Variants in MINK1 observed in about 807,000 individuals in gnomAD.
The protein encoded by MINK1 is misshapen-like kinase 1.
MINK1 carries 46 observed loss-of-function variants against 178.4 expected under a neutral mutation model. That is an observed-to-expected ratio of 0.26 (90% CI 0.20 to 0.33). The LOEUF is 0.33. MINK1 is among the 10% of genes least tolerant of loss of function. MINK1 has a pLI of 1.00. For synonymous variants in MINK1, 797 were observed against 709.7 expected, an observed-to-expected ratio of 1.12 and a Z score of -1.96; for missense variants, 1,366 against 1,814.9, an observed-to-expected ratio of 0.75 and a Z score of 4.49.
intron 1 of MINK1, among the ~76,000 whole-genome samples, chr17:4,863,373 G>A (rs1032012290): frequency 6.6e-6 from 1 of 152,160 alleles, no homozygotes; most frequent in Non-Finnish European, 1.5e-5. Context: ...GACTCTCCAT[G>A]CACTCTTTGG....
At position 4,887,707 on chromosome 17, in the gene MINK1, C is replaced by A; in HGVS notation, c.1147C>A (p.Pro383Thr). The A allele has an allele frequency of 6.4e-7, 1 of 1,558,244 alleles. No homozygotes were observed. The change falls in exon 12 of 32, where the codon CCC (proline) becomes ACC (threonine). Residue 383 changes from proline (P) to threonine (T), a missense_variant. Around this residue, in one of 14 missense-constraint regions of MINK1, gnomAD observed 56 missense variants for 64.0 expected, o/e 0.87. Coordinates refer to ENST00000355280, the MANE Select transcript of MINK1 (RefSeq NM_153827.5). This position sits in a 1 kb window ranked among gnomAD's most constrained non-coding sequence, Gnocchi z 7.6. ...QQLQQQQQRDPEAHIKHLLHQ... is the reference protein window; with the variant it reads ...QQLQQQQQRDTEAHIKHLLHQ... ...GCTGCAGCAGCAGCAGCAGCGAGAC[C>A]CCGAGGCACACATCAAACACCTGCT...
At chr17:4,864,772 G>A (rs1238527353) in intron 1 of MINK1, among the ~76,000 whole-genome samples, 1 of 152,178 alleles carries the variant, frequency 6.6e-6, no homozygotes, top group Non-Finnish European at 1.5e-5. Context: ...TGATCTCTGA[G>A]ATGGCCGATA....
At position 4,836,403 on chromosome 17, in the gene MINK1, T is replaced by G. The variant is rs1163307792; in HGVS notation, c.57+2763T>G. On this transcript the variant is annotated intron_variant, in intron 1 of 31. Transcript: ENST00000355280. This position sits in a 1 kb window ranked among gnomAD's most constrained non-coding sequence, Gnocchi z 4.3. ...TGCTACTTTGTAGCCACAGCCACAC[T>G]TGACCTCTTTGAGGTTCCTTTTCTC... Among the ~76,000 whole-genome samples the G allele has an allele frequency of 6.6e-6, 1 of 152,194 alleles. No homozygotes were observed. Among genetic ancestry groups the G allele is most frequent in the Non-Finnish European group, 1.5e-5 (1 of 68,020 alleles).
At chr17:4,875,192 G>A (rs8078776) in intron 1 of MINK1, 334,080 of 519,446 alleles carry the variant, frequency 0.64, 113,365 homozygotes, top group Non-Finnish European at 0.75. Context: ...AACTGAAGAC[G>A]GATGAGATGA....
At chr17:4,847,063 C>G in intron 1 of MINK1, 1 of 429,074 alleles carries the variant, frequency 2.3e-6, no homozygotes, top group Admixed American at 2.6e-5. Context: ...ATCTCCTGTC[C>G]TGGCCTCATA....
Position 4,891,489 on chromosome 17 carries a change from T to C in MINK1, c.1774T>C (p.Tyr592His). 4.4e-6 allele frequency: 7 copies of C among 1,601,520 alleles called. No homozygotes were observed. The highest frequency in any genetic ancestry group is 6.0e-6 in the Non-Finnish European group (7 of 1,171,380). The part of the protein sequence containing the change: ...LVAHRVPLKP[Y>H]AAPVPRSQSL... ...GGCACACCGGGTCCCACTGAAGCCATATGCAGCACCTGTACCCCGATCCCA... is the reference window on the plus strand; with the variant it reads ...GGCACACCGGGTCCCACTGAAGCCACATGCAGCACCTGTACCCCGATCCCA... Residue 592 changes from tyrosine (Y) to histidine (H), a missense_variant, in exon 16 of 32, where the codon TAT becomes CAT. Physicochemically the swap from Tyr to His is moderately conservative, Grantham distance 83 (BLOSUM62 2). Transcript: ENST00000355280.
chr17:4,893,195 G>C (rs1187200497), intron 20 of MINK1, 128 bp downstream of exon 20: 22 of 1,553,040 alleles, frequency 1.4e-5, no homozygotes, highest in Non-Finnish European at 1.9e-5. Context: ...AGGGACTGGT[G>C]CTTCTCATGG....
intron 31 of MINK1, 130 bp from the exon 32 acceptor site, chr17:4,897,074 T>C (rs1417830128): frequency 7.8e-6 from 7 of 894,880 alleles, no homozygotes; most frequent in Non-Finnish European, 1.2e-5. Flanking sequence ...AGGGGCACTG[T>C]GAGTCTCCTC....
chr17:4,867,750 G>A (rs1915258904), intron 1 of MINK1, among the ~76,000 whole-genome samples: 1 of 151,946 alleles, frequency 6.6e-6, no homozygotes, highest in East Asian at 2.0e-4. Context: ...AGGCGGAGGT[G>A]GCAGTGAGCC....
At chr17:4,861,941 T>A (rs982512048) in intron 1 of MINK1, among the ~76,000 whole-genome samples, 2 of 152,214 alleles carry the variant, frequency 1.3e-5, no homozygotes, top group African/African-American at 2.4e-5. Context: ...AGTCGTTTTG[T>A]GTATGTTATA....
chr17:4,849,964 T>G (rs1597395814), intron 1 of MINK1, among the ~76,000 whole-genome samples: 1 of 152,232 alleles, frequency 6.6e-6, no homozygotes, highest in Non-Finnish European at 1.5e-5. Context: ...TTCTTTTTTT[T>G]GAGACACTGT....
chr17:4,863,366 T>C (rs1000571487), intron 1 of MINK1, among the ~76,000 whole-genome samples: 1 of 152,186 alleles, frequency 6.6e-6, no homozygotes, highest in Non-Finnish European at 1.5e-5. Flanking sequence ...CAGCCTTGAC[T>C]CTCCATGCAC....
chr17:4,891,190 A>G, intron 15 of MINK1, 66 bp downstream of exon 15: 1 of 1,074,420 alleles, frequency 9.3e-7, no homozygotes, highest in East Asian at 3.1e-5. Flanking sequence ...ACAGGTACAC[A>G]CACACGCGCG....
chr17:4,891,558 G>A lies in MINK1; in HGVS notation c.1843G>A (p.Ala615Thr), dbSNP rs990558398. The stretch of plus-strand genomic sequence containing the variant: ...CACCCGAAACCTGGCTGCCTTCCCA[G>A]CCTCCCATGACCCCGACCCTGCCAT... ...QPTRNLAAFP[A>T]SHDPDPAIPA... is the part of the protein sequence containing the mutation. The change falls in exon 16 of 32, where the codon GCC (alanine) becomes ACC (threonine). Residue 615 changes from alanine (A) to threonine (T), a missense_variant. Around this residue, in one of 14 missense-constraint regions of MINK1, gnomAD observed 709 missense variants for 692.3 expected, o/e 1.02. Transcript: ENST00000355280. The A allele has an allele frequency of 1.2e-6, 2 of 1,608,220 alleles. No individual in the cohort carries two copies. The highest frequency in any genetic ancestry group is 2.7e-5 in the African/African-American group (2 of 74,764).
intron 1 of MINK1, among the ~76,000 whole-genome samples, chr17:4,875,851 A>G (rs1409323035): frequency 6.8e-6 from 1 of 146,282 alleles, no homozygotes; most frequent in African/African-American, 2.5e-5. Context: ...GTTGGAGTGC[A>G]GTGGTGTGAT....
chr17:4,897,578 A>C lies in MINK1; in HGVS notation c.*291A>C. The stretch of plus-strand genomic sequence containing the variant: ...GCCTAGCCCCTCCCCCCTTTTCTCC[A>C]TTTGAGAGGAGAGTGCTTGGGGCTT... On this transcript the variant is annotated 3_prime_UTR_variant, in exon 32 of 32. Transcript: ENST00000355280. The C allele has an allele frequency of 5.7e-6, 2 of 350,754 alleles. No homozygotes were observed. Among genetic ancestry groups the C allele is most frequent in the East Asian group, 6.0e-5 (1 of 16,662 alleles). 21.7% of individuals were successfully genotyped at this position (350,754 alleles called of 1,614,324 possible). A position where few individuals can be genotyped will look rare whatever the true frequency, so the allele number is the denominator to read the frequency against.
In MINK1 at chr17:4,886,074, C is replaced by T. The variant is rs372525556; in HGVS notation, c.695-46C>T. 17 of 1,610,814 alleles carry T rather than the reference C, an allele frequency of 1.1e-5. No homozygotes were observed. The African/African-American group carries it at 2.3e-4, about 21-fold the overall frequency. On this transcript the variant is annotated intron_variant, in intron 8 of 31. Transcript: ENST00000355280. The surrounding 1 kb of genome is among the most constrained non-coding windows in gnomAD (Gnocchi z 6.1). Reference sequence around the variant, plus strand: ...ACCCTGCCGAGGAAGGGTCCTGTAGCTCCCAGTGCAGTGAAAGGGACTGAG... The same window carrying T: ...ACCCTGCCGAGGAAGGGTCCTGTAGTTCCCAGTGCAGTGAAAGGGACTGAG...
intron 1 of MINK1, chr17:4,871,108 A>T: frequency 2.9e-6 from 1 of 340,540 alleles, no homozygotes; most frequent in East Asian, 1.0e-4. Context: ...TCATAAGCAT[A>T]ATGTCTTCAA....
Position 4,887,252 on chromosome 17 carries a change from T to C in MINK1, c.1019+73T>C, listed in dbSNP as rs1968300780. The C allele has an allele frequency of 6.9e-7, 1 of 1,445,526 alleles. No homozygotes were observed. Among genetic ancestry groups the C allele is most frequent in the Non-Finnish European group, 9.5e-7 (1 of 1,052,540 alleles). 89.5% of individuals were successfully genotyped at this position (1,445,526 alleles called of 1,614,324 possible). ...GGGGGACTACAGTGGTGCTTGGCTT[T>C]GGGGACTCTCAGCCTGGGGGTGGTG... On this transcript the variant is annotated intron_variant, in intron 11 of 31. Coordinates refer to ENST00000355280, the MANE Select transcript of MINK1 (RefSeq NM_153827.5). This position sits in a 1 kb window ranked among gnomAD's most constrained non-coding sequence, Gnocchi z 7.6.
Sources: gnomAD v4.1 joint callset for allele counts (sites outside exome capture counted in the v4.1 genomes callset) on GRCh38, gnomAD v4.1.1 for gene constraint, gnomAD v4.1.1 regional missense constraint, Gnocchi (gnomAD v3.1) non-coding constraint, MANE v1.5 for transcripts, NCBI Gene and HGNC (gene_info 2026-07-23, HGNC 2026-07-21) for gene names.